EPHA5: variants seen among roughly 807,000 people sequenced by gnomAD.
The protein encoded by EPHA5 is ephrin type-A receptor 5.
In EPHA5, 60 loss-of-function variants were observed where a neutral mutation model predicts 105.0. The observed-to-expected ratio is 0.57, with a 90% CI of 0.46 to 0.71. The LOEUF is 0.71. EPHA5 is among the 30% of genes least tolerant of loss of function. EPHA5 has a pLI of 0.00. For synonymous variants in EPHA5, 513 were observed against 449.1 expected, an observed-to-expected ratio of 1.14 and a Z score of -1.80; for missense variants, 1,218 against 1,274.7, an observed-to-expected ratio of 0.96 and a Z score of 0.68.
At chr4:65,397,986 T>C (rs1052872054) in intron 8 of EPHA5, among the ~76,000 whole-genome samples, 1 of 152,082 alleles carries the variant, frequency 6.6e-6, no homozygotes, top group Non-Finnish European at 1.5e-5. Flanking sequence ...GGCTGTGTGC[T>C]CCATGAAATG....
chr4:65,612,944 A>G (rs745470354), intron 2 of EPHA5, among the ~76,000 whole-genome samples: 4 of 152,072 alleles, frequency 2.6e-5, no homozygotes, highest in Admixed American at 6.5e-5. Flanking sequence ...AATCATGCAT[A>G]CTTCAACTAG....
chr4:65,454,219 G>A (rs574803014), intron 5 of EPHA5, among the ~76,000 whole-genome samples: 46 of 152,214 alleles, frequency 3.0e-4, no homozygotes, highest in Non-Finnish European at 6.2e-4. Context: ...GGCGGAGGTT[G>A]CAGTGAGTCG....
At chr4:65,469,581 G>T (rs1438580126) in intron 5 of EPHA5, among the ~76,000 whole-genome samples, 1 of 152,094 alleles carries the variant, frequency 6.6e-6, no homozygotes, top group African/African-American at 2.4e-5. Flanking sequence ...AGAGTTGGAC[G>T]CCAGCAAGGA....
At chr4:65,473,509 G>A (rs1440138199) in intron 5 of EPHA5, among the ~76,000 whole-genome samples, 4 of 152,090 alleles carry the variant, frequency 2.6e-5, no homozygotes, top group Admixed American at 2.0e-4. Flanking sequence ...CATCTTAAAC[G>A]GTGACAGGCA....
intron 3 of EPHA5, among the ~76,000 whole-genome samples, chr4:65,509,002 G>A (rs958256107): frequency 6.6e-6 from 1 of 152,116 alleles, no homozygotes; most frequent in African/African-American, 2.4e-5. Context: ...CAAATGTTCA[G>A]TGCAAATCTA....
At chr4:65,347,091 G>T (rs561886035) in intron 14 of EPHA5, among the ~76,000 whole-genome samples, 7 of 152,184 alleles carry the variant, frequency 4.6e-5, no homozygotes, top group African/African-American at 1.4e-4. Context: ...ACAAAATTCA[G>T]CTGGAGAGCT....
intron 1 of EPHA5, among the ~76,000 whole-genome samples, chr4:65,658,764 T>G (rs548443711): frequency 6.6e-6 from 1 of 152,230 alleles, no homozygotes; most frequent in African/African-American, 2.4e-5. Context: ...CCCGTGTTTT[T>G]ACAATTTTGC....
chr4:65,583,921 T>A (rs1251915570), intron 3 of EPHA5, among the ~76,000 whole-genome samples: 4 of 151,604 alleles, frequency 2.6e-5, no homozygotes, highest in African/African-American at 9.7e-5. Flanking sequence ...AACATTAAAT[T>A]AAATTTATTT....
chr4:65,566,823 A>G (rs1033347545), intron 3 of EPHA5, among the ~76,000 whole-genome samples: 4 of 151,742 alleles, frequency 2.6e-5, no homozygotes, highest in African/African-American at 9.7e-5. Context: ...GTCATCCAAA[A>G]TATATAATGG....
At chr4:65,584,926 T>C (rs1741971705) in intron 3 of EPHA5, among the ~76,000 whole-genome samples, 1 of 151,824 alleles carries the variant, frequency 6.6e-6, no homozygotes, top group South Asian at 2.1e-4. Flanking sequence ...GGTGAGAAAA[T>C]TGAGAAAAAA....
intron 3 of EPHA5, among the ~76,000 whole-genome samples, chr4:65,511,101 G>A (rs1237602080): frequency 6.6e-6 from 1 of 152,108 alleles, no homozygotes; most frequent in African/African-American, 2.4e-5. Flanking sequence ...ATGAATGACT[G>A]GCACCTTGGT....
At chr4:65,437,898 GTTAAAAT>G (rs1725634857) in intron 5 of EPHA5, among the ~76,000 whole-genome samples, 1 of 151,850 alleles carries the variant, frequency 6.6e-6, no homozygotes, top group Non-Finnish European at 1.5e-5. Flanking sequence ...AATTTACATA[GTTAAAAT>G]TTAAGCATCA....
intron 2 of EPHA5, among the ~76,000 whole-genome samples, chr4:65,620,451 A>T (rs1745617881): frequency 6.6e-6 from 1 of 152,160 alleles, no homozygotes; most frequent in African/African-American, 2.4e-5. Context: ...TCAATTTAAG[A>T]TATTTGAACT....
At chr4:65,504,439 G>A (rs925807770) in intron 3 of EPHA5, among the ~76,000 whole-genome samples, 1 of 151,354 alleles carries the variant, frequency 6.6e-6, no homozygotes, top group Non-Finnish European at 1.5e-5. Context: ...CTCAAGTGAA[G>A]TACATTGATT....
At chr4:65,506,135 A>G (rs1732997414) in intron 3 of EPHA5, among the ~76,000 whole-genome samples, 1 of 152,098 alleles carries the variant, frequency 6.6e-6, no homozygotes, top group Admixed American at 6.6e-5. Flanking sequence ...TTTGCTGAGA[A>G]TGATGGTTTC....
chr4:65,374,102 TTG>T (rs1480350695), intron 8 of EPHA5, among the ~76,000 whole-genome samples: 2 of 151,940 alleles, frequency 1.3e-5, no homozygotes, highest in African/African-American at 4.8e-5. Context: ...TAAAAATAGA[TTG>T]TCTTTTTGAG....
intron 8 of EPHA5, among the ~76,000 whole-genome samples, chr4:65,392,397 A>G (rs1250453953): frequency 6.6e-6 from 1 of 152,116 alleles, no homozygotes; most frequent in Non-Finnish European, 1.5e-5. Context: ...ATGTTTGGTT[A>G]CCATTATTTT....
chr4:65,378,774 TTTTC>T (rs149249072), intron 8 of EPHA5, among the ~76,000 whole-genome samples: 16,400 of 151,872 alleles, frequency 0.11, 1,052 homozygotes, highest in Admixed American at 0.18. Flanking sequence ...TGTTTGCTTG[TTTTC>T]TTTCTTTCTT....
At chr4:65,366,125 A>C (rs958964382) in intron 9 of EPHA5, 68 bp from the exon 10 acceptor site, 51 of 1,427,676 alleles carry the variant, frequency 3.6e-5, no homozygotes, top group Non-Finnish European at 4.6e-5. Context: ...GAACTTTATT[A>C]ACATGCAAGT....
Sources: allele counts gnomAD v4.1 joint callset (sites outside exome capture counted in the v4.1 genomes callset), GRCh38; gene constraint gnomAD v4.1.1; transcripts MANE v1.5; gene names NCBI Gene and HGNC (gene_info 2026-07-23, HGNC 2026-07-21).